TRIM33: variants seen among roughly 807,000 people sequenced by gnomAD.
TRIM33 encodes the protein tripartite motif containing 33.
A neutral mutation model predicts 125.4 loss-of-function variants in TRIM33; 20 were observed. The ratio of observed to expected loss-of-function variants is 0.16; its 90% CI spans 0.11 to 0.23. The LOEUF is 0.23. TRIM33 is among the 10% of genes least tolerant of loss of function. The probability of loss-of-function intolerance (pLI) is 1.00; values close to 1 mark genes in which losing one functional copy is unlikely to be tolerated. For missense variants in TRIM33, 920 were observed against 1,411.4 expected (o/e 0.65, Z 5.58); for synonymous variants, 564 against 513.9 (o/e 1.10, Z -1.32).
rs562850743 is a variant in TRIM33, at chr1:114,416,558, C to T, written c.2061+4878G>A. On this transcript the variant is annotated intron_variant, in intron 11 of 19. Coordinates refer to ENST00000358465, the MANE Select transcript of TRIM33 (RefSeq NM_015906.4). ...ATTACTCCAGTTGTGCCTTCTCACT[C>T]CCTCAAGCCATTGCATATACCATAC... Among the ~76,000 whole-genome samples the T allele has an allele frequency of 4.6e-5, 7 of 152,288 alleles. 1 individual carries two copies. In the South Asian group the frequency reaches 1.2e-3, roughly 27 times the overall value.
rs776451339 is a variant in TRIM33, at chr1:114,490,084, C to CAA, written c.526+20465_526+20466dup. Among the ~76,000 whole-genome samples the CAA allele has an allele frequency of 4.7e-3, 176 of 37,530 alleles. 5 individuals carry two copies. The highest frequency in any genetic ancestry group is 7.1e-3 in the East Asian group (9 of 1,264). The allele number at this position is 37,530 out of a possible 152,430, so 24.6% of individuals were successfully genotyped here. A position where few individuals can be genotyped will look rare whatever the true frequency, so the allele number is the denominator to read the frequency against. On this transcript the variant is annotated intron_variant, in intron 1 of 19. Coordinates refer to ENST00000358465, the MANE Select transcript of TRIM33 (RefSeq NM_015906.4). ...TGGGCAACAGAGCGAGACTCCGTCT[C>CAA]AAAAAAAAAAAAAAAAAAAAGAAAA...
intron 1 of TRIM33, among the ~76,000 whole-genome samples, chr1:114,482,378 G>A (rs1472436864): frequency 6.6e-6 from 1 of 152,148 alleles, no homozygotes; most frequent in Non-Finnish European, 1.5e-5. Context: ...GATCAGAGTA[G>A]CTATGAATAG....
intron 4 of TRIM33, among the ~76,000 whole-genome samples, chr1:114,440,499 T>A (rs991488277): frequency 2.0e-5 from 3 of 152,092 alleles, no homozygotes; most frequent in African/African-American, 7.2e-5. Flanking sequence ...AATAAATACA[T>A]GTACTCTATT....
chr1:114,422,799 T>C (rs1001392352), intron 10 of TRIM33, among the ~76,000 whole-genome samples: 3 of 152,208 alleles, frequency 2.0e-5, no homozygotes, highest in Non-Finnish European at 2.9e-5. Context: ...CAAAAAGTTT[T>C]TAAATAGTTT....
intron 9 of TRIM33, among the ~76,000 whole-genome samples, chr1:114,425,175 G>A (rs1344707221): frequency 6.6e-6 from 1 of 151,964 alleles, no homozygotes; most frequent in East Asian, 1.9e-4. Flanking sequence ...ATTATACGTG[G>A]AAAACAAAAA....
At chr1:114,480,100 T>TA (rs1249172686) in intron 1 of TRIM33, among the ~76,000 whole-genome samples, 1 of 152,164 alleles carries the variant, frequency 6.6e-6, no homozygotes, top group African/African-American at 2.4e-5. Context: ...TAGAAAGAAG[T>TA]AGACATAGGA....
chr1:114,422,641 C>T (rs1647275595), intron 10 of TRIM33, among the ~76,000 whole-genome samples: 1 of 150,036 alleles, frequency 6.7e-6, no homozygotes, highest in Non-Finnish European at 1.5e-5. Flanking sequence ...GCACACTGCA[C>T]CAGGAAGGAA....
At chr1:114,498,422 T>C (rs1411496704) in intron 1 of TRIM33, among the ~76,000 whole-genome samples, 2 of 151,922 alleles carry the variant, frequency 1.3e-5, no homozygotes, top group African/African-American at 4.8e-5. Context: ...CCAAGGCAGG[T>C]GGATCACCTG....
At chr1:114,507,185 G>A (rs993076510) in intron 1 of TRIM33, among the ~76,000 whole-genome samples, 2 of 152,236 alleles carry the variant, frequency 1.3e-5, no homozygotes, top group African/African-American at 4.8e-5. Flanking sequence ...TTTGAAGTGA[G>A]AGCCCTTCAT....
At chr1:114,504,257 C>T (rs911928568) in intron 1 of TRIM33, among the ~76,000 whole-genome samples, 1 of 152,062 alleles carries the variant, frequency 6.6e-6, no homozygotes, top group Non-Finnish European at 1.5e-5. Context: ...CTCGACACTC[C>T]GTGCCTCAGG....
At chr1:114,508,463 A>T (rs1653136384) in intron 1 of TRIM33, among the ~76,000 whole-genome samples, 2 of 152,216 alleles carry the variant, frequency 1.3e-5, no homozygotes, top group African/African-American at 4.8e-5. Context: ...ACAGACCACC[A>T]GCAGTTATTC....
intron 4 of TRIM33, among the ~76,000 whole-genome samples, chr1:114,448,441 T>C (rs540962033): frequency 6.6e-6 from 1 of 152,316 alleles, no homozygotes; most frequent in Non-Finnish European, 1.5e-5. Flanking sequence ...CCAGACAACA[T>C]TAACGGTCTA....
rs1018193025 is a variant in TRIM33 at position 114,396,174 on chromosome 1, A to G, written c.*1474T>C. On this transcript the variant is annotated 3_prime_UTR_variant, in exon 20 of 20. Transcript: ENST00000358465. ...TAGGACTAAAATCTTTAATCAAACA[A>G]AAGAGAAGCCTGTAACAGTGTAGAA... The G allele has an allele frequency of 1.5e-5, 3 of 202,980 alleles. No homozygotes were observed. The highest frequency in any genetic ancestry group is 6.0e-5 in the Admixed American group (1 of 16,738). 12.6% of individuals were successfully genotyped at this position (202,980 alleles called of 1,614,324 possible).
intron 1 of TRIM33, among the ~76,000 whole-genome samples, chr1:114,483,545 G>C (rs1651483080): frequency 6.6e-6 from 1 of 151,712 alleles, no homozygotes; most frequent in Non-Finnish European, 1.5e-5. Context: ...CCGAGTAGCT[G>C]CAACTACAGG....
intron 4 of TRIM33, among the ~76,000 whole-genome samples, chr1:114,448,762 T>G (rs1649141613): frequency 6.6e-6 from 1 of 152,132 alleles, no homozygotes; most frequent in South Asian, 2.1e-4. Context: ...ACTGTGTGGT[T>G]GAATAATTGT....
intron 1 of TRIM33, among the ~76,000 whole-genome samples, chr1:114,495,430 T>C (rs1374878172): frequency 6.6e-6 from 1 of 152,236 alleles, no homozygotes; most frequent in Non-Finnish European, 1.5e-5. Flanking sequence ...GAAATAATTC[T>C]TTTTAATTGG....
intron 1 of TRIM33, among the ~76,000 whole-genome samples, chr1:114,466,530 G>A (rs564937647): frequency 3.3e-5 from 5 of 152,236 alleles, no homozygotes; most frequent in Non-Finnish European, 4.4e-5. Flanking sequence ...AAGCCATACC[G>A]TGTTTGACCT....
intron 4 of TRIM33, among the ~76,000 whole-genome samples, chr1:114,447,289 A>G (rs369227971): frequency 1.2e-4 from 19 of 152,148 alleles, no homozygotes; most frequent in African/African-American, 4.3e-4. Context: ...AGTTGGTGAT[A>G]TATTTTGAAG....
At chr1:114,402,100 C>T (rs1366975682) in intron 16 of TRIM33, among the ~76,000 whole-genome samples, 6 of 152,086 alleles carry the variant, frequency 3.9e-5, no homozygotes, top group African/African-American at 9.7e-5. Context: ...AATGACCACA[C>T]GACAATGCAA....
Sources: gnomAD v4.1 joint callset for allele counts (sites outside exome capture counted in the v4.1 genomes callset) on GRCh38, gnomAD v4.1.1 for gene constraint, MANE v1.5 for transcripts, NCBI Gene and HGNC (gene_info 2026-07-23, HGNC 2026-07-21) for gene names.